Variants in E2F5 observed in about 807,000 individuals in gnomAD.
E2F5 encodes the protein E2F transcription factor 5, also known as transcription factor E2F5.
E2F5 carries 23 observed loss-of-function variants against 39.1 expected under a neutral mutation model. The observed-to-expected ratio is 0.59, with a 90% CI of 0.42 to 0.83. The LOEUF (loss-of-function observed/expected upper bound fraction) is 0.83. Ranked by LOEUF, E2F5 falls within the 40% of genes least tolerant of loss-of-function variation. E2F5 has a pLI of 0.00. For synonymous variants in E2F5, 145 were observed against 157.8 expected, an observed-to-expected ratio of 0.92 and a Z score of 0.61; for missense variants, 365 against 406.7, an observed-to-expected ratio of 0.90 and a Z score of 0.88.
At chr8:85,181,082 T>G (rs1241170532) in intron 1 of E2F5, among the ~76,000 whole-genome samples, 1 of 152,022 alleles carries the variant, frequency 6.6e-6, no homozygotes, top group Non-Finnish European at 1.5e-5. Context: ...TTTGCCATAT[T>G]GCCCAGGCTG....
chr8:85,177,706 G>C, intron 1 of E2F5, 52 bp downstream of exon 1: 2 of 1,214,078 alleles, frequency 1.6e-6, no homozygotes, highest in African/African-American at 1.6e-5. Context: ...GTGGCCCCCG[G>C]GGAAGCCCAG....
chr8:85,204,824 C>T (rs1224125396), intron 3 of E2F5, among the ~76,000 whole-genome samples: 3 of 152,200 alleles, frequency 2.0e-5, no homozygotes. Flanking sequence ...ATTCCTCTGC[C>T]TTAATCATCC....
At position 85,212,790 on chromosome 8, in the gene E2F5, A is replaced by AT; in HGVS notation, c.931+586_931+587insT. On this transcript the variant is annotated intron_variant, in intron 7 of 7. Coordinates refer to ENST00000416274, the MANE Select transcript of E2F5 (RefSeq NM_001951.4). ...ATGTTATAGTAACTAGAGATGTACT[A>AT]AACATGTATGTAGAAGCAGAGAACA... The AT allele has an allele frequency of 2.6e-5, 4 of 152,304 alleles. No homozygotes were observed. The East Asian group carries it at 7.7e-4, about 29-fold the overall frequency. The allele number at this position is 152,304 out of a possible 1,614,324, so 9.4% of individuals were successfully genotyped here. A position where few individuals can be genotyped will look rare whatever the true frequency, so the allele number is the denominator to read the frequency against.
At chr8:85,211,220 TAAA>T (rs5892938) in intron 6 of E2F5, among the ~76,000 whole-genome samples, 16 of 112,460 alleles carry the variant, frequency 1.4e-4, no homozygotes, top group East Asian at 5.0e-4. Flanking sequence ...ACCCTATCTC[TAAA>T]AAAAAAAAAA....
chr8:85,190,423 T>C (rs1189236146), intron 1 of E2F5, among the ~76,000 whole-genome samples: 2 of 151,664 alleles, frequency 1.3e-5, no homozygotes, highest in Non-Finnish European at 2.9e-5. Flanking sequence ...CCTGTGAATA[T>C]GTTCAGTTAC....
intron 1 of E2F5, among the ~76,000 whole-genome samples, chr8:85,189,500 G>T (rs754603569): frequency 3.9e-5 from 6 of 152,048 alleles, no homozygotes; most frequent in Non-Finnish European, 8.8e-5. Context: ...CACCCAAGTA[G>T]CTGGAATTAT....
chr8:85,209,096 G>A (rs1168220725), intron 5 of E2F5, 46 bp from the exon 6 acceptor site: 1 of 1,573,410 alleles, frequency 6.4e-7, no homozygotes, highest in African/African-American at 1.4e-5. Context: ...AAGTTAGCTA[G>A]AAATGTTAAT....
chr8:85,197,772 C>A (rs756505282), intron 1 of E2F5, among the ~76,000 whole-genome samples: 6 of 152,088 alleles, frequency 3.9e-5, no homozygotes, highest in Admixed American at 6.5e-5. Context: ...ACTTATTCAA[C>A]AGTTACAGTG....
chr8:85,177,551 C>T lies in E2F5; in HGVS notation c.131C>T (p.Ala44Val), dbSNP rs1306204896. The change falls in exon 1 of 8, where the codon GCC (alanine) becomes GTC (valine). Residue 44 changes from alanine to valine, a missense_variant. Physicochemically the swap from Ala to Val is moderately conservative, Grantham distance 64. Transcript: ENST00000416274. ...CCCCCGCCGCCGCAGCTCGGGGGCG[C>T]CGGGGGCGGCAGCAGCAGGCACGAG... ...QPPPPPQLGGAGGGSSRHEKS... is the reference protein window; with the variant it reads ...QPPPPPQLGGVGGGSSRHEKS... 2.4e-6 allele frequency: 3 copies of T among 1,237,002 alleles called. No homozygotes were observed. Among genetic ancestry groups the T allele is most frequent in the African/African-American group, 3.1e-5 (2 of 64,304 alleles). The allele number at this position is 1,237,002 out of a possible 1,614,324, so 76.6% of individuals were successfully genotyped here. A position where few individuals can be genotyped will look rare whatever the true frequency, so the allele number is the denominator to read the frequency against.
At chr8:85,207,885 C>T (rs1453026929) in intron 5 of E2F5, among the ~76,000 whole-genome samples, 1 of 152,040 alleles carries the variant, frequency 6.6e-6, no homozygotes, top group Non-Finnish European at 1.5e-5. Context: ...AGACTTGGGT[C>T]CTATCCCTAA....
intron 3 of E2F5, among the ~76,000 whole-genome samples, chr8:85,205,325 C>G (rs1041457383): frequency 1.3e-5 from 2 of 151,978 alleles, no homozygotes; most frequent in East Asian, 3.9e-4. Flanking sequence ...AACCTCCACC[C>G]CCCGGGTTTA....
Position 85,206,233 on chromosome 8 carries a change from A to G in E2F5, c.550+13A>G, listed in dbSNP as rs776476727. On this transcript the variant is annotated intron_variant, in intron 4 of 7. Transcript: ENST00000416274. ...AATTGCTTTAATGGTAAGTACCATTAGACTTTTCCTTGCATTCTTCCTCTC... is the reference window on the plus strand; with the variant it reads ...AATTGCTTTAATGGTAAGTACCATTGGACTTTTCCTTGCATTCTTCCTCTC... 3 of 1,611,094 alleles carry G rather than the reference A, an allele frequency of 1.9e-6. No homozygotes were observed. The highest frequency in any genetic ancestry group is 2.5e-6 in the Non-Finnish European group (3 of 1,178,398).
At position 85,177,673 on chromosome 8, in the gene E2F5, G is replaced by A; in HGVS notation, c.234+19G>A. 3.2e-6 allele frequency: 4 copies of A among 1,267,214 alleles called. No homozygotes were observed. Among genetic ancestry groups the A allele is most frequent in the Non-Finnish European group, 3.0e-6 (3 of 1,004,504 alleles). The allele number at this position is 1,267,214 out of a possible 1,614,324, so 78.5% of individuals were successfully genotyped here. On this transcript the variant is annotated intron_variant, in intron 1 of 7. Coordinates refer to ENST00000416274, the MANE Select transcript of E2F5 (RefSeq NM_001951.4). ...CAAAGCGGTGAGCTCCGGAGGCGGG[G>A]ACGGGGGCGGACTTCGGAACCCGTG... is the stretch of plus-strand genomic sequence containing the variant.
intron 1 of E2F5, among the ~76,000 whole-genome samples, chr8:85,197,119 A>G (rs568864484): frequency 6.6e-6 from 1 of 152,296 alleles, no homozygotes; most frequent in Non-Finnish European, 1.5e-5. Flanking sequence ...GGCCTGCTTC[A>G]TCATAGTGTT....
chr8:85,193,522 G>A (rs557395645), intron 1 of E2F5, among the ~76,000 whole-genome samples: 3 of 152,156 alleles, frequency 2.0e-5, no homozygotes. Flanking sequence ...TATTTTAAGC[G>A]AACAGTTAAA....
intron 1 of E2F5, among the ~76,000 whole-genome samples, chr8:85,191,788 G>A (rs927832101): frequency 2.0e-5 from 3 of 152,008 alleles, no homozygotes; most frequent in Non-Finnish European, 1.5e-5. Context: ...CCCATGTTTC[G>A]CTGTAGGCCA....
chr8:85,205,655 C>G (rs1293677048), intron 3 of E2F5, among the ~76,000 whole-genome samples: 1 of 152,208 alleles, frequency 6.6e-6, no homozygotes, highest in Non-Finnish European at 1.5e-5. Context: ...CTCCTGTCTT[C>G]TGCCTCCTGA....
At position 85,214,042 on chromosome 8, in the gene E2F5, G is replaced by A; in HGVS notation, c.*180G>A. 1 of 590,430 alleles carries A rather than the reference G, an allele frequency of 1.7e-6. No homozygotes were observed. The highest frequency in any genetic ancestry group is 1.9e-5 in the South Asian group (1 of 52,252). 36.6% of individuals were successfully genotyped at this position (590,430 alleles called of 1,614,324 possible). A position where few individuals can be genotyped will look rare whatever the true frequency, so the allele number is the denominator to read the frequency against. On this transcript the variant is annotated 3_prime_UTR_variant, in exon 8 of 8. Coordinates refer to ENST00000416274, the MANE Select transcript of E2F5 (RefSeq NM_001951.4). ...TTCAACCATAAAAACAAAGGGCTCT[G>A]ATTGCTTTAGGGGATAAGTGATTTA... is the stretch of plus-strand genomic sequence containing the variant.
intron 1 of E2F5, among the ~76,000 whole-genome samples, chr8:85,188,316 CTTTTTTT>C (rs74366212): frequency 1.7e-5 from 2 of 115,036 alleles, no homozygotes; most frequent in Admixed American, 8.6e-5. Flanking sequence ...CCTTAGCATC[CTTTTTTT>C]TTTTTTTTTT....
Sources: allele counts gnomAD v4.1 joint callset (sites outside exome capture counted in the v4.1 genomes callset), GRCh38; gene constraint gnomAD v4.1.1; transcripts MANE v1.5; gene names NCBI Gene and HGNC (gene_info 2026-07-23, HGNC 2026-07-21).